URB2: variants seen among roughly 807,000 people sequenced by gnomAD.
URB2 encodes the protein unhealthy ribosome biogenesis protein 2 homolog.
A neutral mutation model predicts 120.9 loss-of-function variants in URB2; 86 were observed. The ratio of observed to expected loss-of-function variants is 0.71; its 90% CI spans 0.60 to 0.85. The LOEUF is 0.85. URB2 is among the 40% of genes least tolerant of loss of function. The pLI is 0.00. For synonymous variants in URB2, 755 were observed against 758.4 expected, an observed-to-expected ratio of 1.00 and a Z score of 0.07; for missense variants, 1,765 against 1,836.5, an observed-to-expected ratio of 0.96 and a Z score of 0.71.
intron 2 of URB2, among the ~76,000 whole-genome samples, chr1:229,630,485 C>T (rs764412364): frequency 6.6e-6 from 1 of 152,174 alleles, no homozygotes; most frequent in Admixed American, 6.5e-5. Context: ...ATGCTGTAAA[C>T]GGATATGCTG....
In URB2 at chr1:229,651,250, A is replaced by G. The variant is rs1250678050; in HGVS notation, c.4165A>G (p.Ile1389Val). Residue 1389 changes from isoleucine to valine, a missense_variant, in exon 8 of 10, where the codon ATC becomes GTC. Transcript: ENST00000258243. ...GTCATTACAGGTAATGCTGAAAGCC[A>G]TCCCTTCTTTCTTGAACTCTTTCAA... ...QCHPKVMLKA[I>V]PSFLNSFNRL... The G allele has an allele frequency of 3.1e-6, 5 of 1,609,938 alleles. No homozygotes were observed. In the East Asian group the frequency reaches 8.9e-5, roughly 29 times the overall value.
chr1:229,656,646 C>T (rs528284280), intron 9 of URB2, among the ~76,000 whole-genome samples: 10 of 152,326 alleles, frequency 6.6e-5, no homozygotes, highest in Non-Finnish European at 7.3e-5. Flanking sequence ...ATCTCCTTTG[C>T]ATTTTCCTTG....
chr1:229,648,361 G>A (rs186134153), intron 7 of URB2, among the ~76,000 whole-genome samples: 2 of 152,200 alleles, frequency 1.3e-5, no homozygotes, highest in East Asian at 3.9e-4. Context: ...TACTATTTAA[G>A]GAAGCTCATT....
intron 9 of URB2, among the ~76,000 whole-genome samples, chr1:229,655,508 A>G (rs904597254): frequency 6.6e-5 from 10 of 152,234 alleles, no homozygotes; most frequent in Non-Finnish European, 1.5e-4. Flanking sequence ...TGCCAGGATT[A>G]CAGGTGTGAG....
intron 9 of URB2, among the ~76,000 whole-genome samples, chr1:229,656,754 G>A (rs1212536182): frequency 6.6e-6 from 1 of 152,172 alleles, no homozygotes; most frequent in Admixed American, 6.5e-5. Context: ...CAGCTCCAGA[G>A]GCCCGCTTGT....
At chr1:229,630,342 C>G (rs939552668) in intron 2 of URB2, among the ~76,000 whole-genome samples, 2 of 152,194 alleles carry the variant, frequency 1.3e-5, no homozygotes, top group East Asian at 3.8e-4. Context: ...GTTGTGTTAG[C>G]AGTCATGAAA....
intron 5 of URB2, 125 bp downstream of exon 5, chr1:229,643,818 C>A: frequency 1.5e-6 from 2 of 1,301,078 alleles, no homozygotes; most frequent in Non-Finnish European, 2.1e-6. Flanking sequence ...AGACTCTAGG[C>A]AAAGGGGGAG....
Position 229,635,802 on chromosome 1 carries a change from C to T in URB2, c.1189C>T (p.Leu397=), listed in dbSNP as rs773656534. 2 of 1,614,188 alleles carry T rather than the reference C, an allele frequency of 1.2e-6. No homozygotes were observed. The highest frequency in any genetic ancestry group is 1.7e-6 in the Non-Finnish European group (2 of 1,180,028). The part of the protein sequence containing the change: ...FRFYRHVAEL[L]INHAQAPIPA... ...CTTTTACCGCCACGTGGCTGAGCTGCTGATAAACCATGCACAAGCACCCAT... is the reference window on the plus strand; with the variant it reads ...CTTTTACCGCCACGTGGCTGAGCTGTTGATAAACCATGCACAAGCACCCAT... The change falls in exon 4 of 10, where the codon CTG becomes TTG. Residue 397 remains leucine, a synonymous_variant. Coordinates refer to ENST00000258243, the MANE Select transcript of URB2 (RefSeq NM_014777.4).
intron 2 of URB2, among the ~76,000 whole-genome samples, chr1:229,631,847 C>T (rs990912203): frequency 6.6e-6 from 1 of 152,134 alleles, no homozygotes; most frequent in Non-Finnish European, 1.5e-5. Flanking sequence ...CAAAATGTGG[C>T]AGAGACATGA....
chr1:229,626,786 G>T (rs1413793580), intron 1 of URB2, among the ~76,000 whole-genome samples: 1 of 152,228 alleles, frequency 6.6e-6, no homozygotes, highest in Non-Finnish European at 1.5e-5. Flanking sequence ...TCGCGATGGC[G>T]GTTCTATGGT....
chr1:229,643,487 A>G (rs1388750289), intron 4 of URB2, 46 bp from the exon 5 acceptor site: 1 of 1,610,164 alleles, frequency 6.2e-7, no homozygotes, highest in African/African-American at 1.3e-5. Flanking sequence ...TTGGTAGTTT[A>G]TTTCACCTGT....
In URB2 at chr1:229,635,847, C is replaced by G. The variant is rs527459306; in HGVS notation, c.1234C>G (p.Leu412Val). Residue 412 changes from leucine to valine, a missense_variant, in exon 4 of 10, where the codon CTG becomes GTG. Physicochemically the swap from Leu to Val is conservative, Grantham distance 32. Transcript: ENST00000258243. ...QAPIPAWFRCLKTLISLNHLI... is the reference protein window; with the variant it reads ...QAPIPAWFRCVKTLISLNHLI... ...ACCCATACCGGCCTGGTTCCGCTGT[C>G]TGAAGACTTTGATATCTCTGAATCA... The G allele has an allele frequency of 1.2e-5, 19 of 1,614,160 alleles. No homozygotes were observed. In the South Asian group the frequency reaches 2.0e-4, roughly 17 times the overall value.
At chr1:229,645,765 G>A (rs745556541) in intron 5 of URB2, 94 bp from the exon 6 acceptor site, 2 of 1,099,022 alleles carry the variant, frequency 1.8e-6, no homozygotes, top group Non-Finnish European at 2.8e-6. Flanking sequence ...CCACTCCAAC[G>A]CCACAGCCCC....
Position 229,637,668 on chromosome 1 carries a change from T to C in URB2, c.3055T>C (p.Leu1019=), listed in dbSNP as rs2102787052. The change falls in exon 4 of 10, where the codon TTG becomes CTG. Residue 1019 remains leucine (L), a synonymous_variant. Transcript: ENST00000258243. ...MQMLIQMKLS[L]VLNFRKITAF... is the part of the protein sequence containing the mutation. ...GATGCTCATCCAAATGAAGCTGAGC[T>C]TGGTGCTCAATTTTAGAAAAATCAC... 1.2e-6 allele frequency: 2 copies of C among 1,614,254 alleles called. No homozygotes were observed. Among genetic ancestry groups the C allele is most frequent in the African/African-American group, 1.3e-5 (1 of 75,076 alleles).
rs1428126342 is a variant in URB2, at chr1:229,635,959, A to G, written c.1346A>G (p.Gln449Arg). ...EVTEFRTKKA[Q>R]EALIRTVFQT... ...ACAGAGTTTCGAACCAAAAAAGCCC[A>G]GGAGGCGCTTATTCGTACTGTCTTC... is the stretch of plus-strand genomic sequence containing the variant. Residue 449 changes from glutamine to arginine, a missense_variant, in exon 4 of 10, where the codon CAG (glutamine) becomes CGG (arginine). Coordinates refer to ENST00000258243, the MANE Select transcript of URB2 (RefSeq NM_014777.4). 12 of 1,614,128 alleles carry G rather than the reference A, an allele frequency of 7.4e-6. No homozygotes were observed. The highest frequency in any genetic ancestry group is 1.0e-5 in the Non-Finnish European group (12 of 1,180,036).
rs537297397 is a variant in URB2, at chr1:229,637,926, C to A, written c.3313C>A (p.Pro1105Thr). The A allele has an allele frequency of 6.2e-7, 1 of 1,612,176 alleles. No homozygotes were observed. Among genetic ancestry groups the A allele is most frequent in the African/African-American group, 1.3e-5 (1 of 75,022 alleles). Residue 1105 changes from proline to threonine, a missense_variant, in exon 4 of 10, where the codon CCG becomes ACG. By Grantham distance (38) the Pro-to-Thr change is conservative (BLOSUM62 -1). Coordinates refer to ENST00000258243, the MANE Select transcript of URB2 (RefSeq NM_014777.4). ...TGAVLQLCSV[P>T]GARGWRLPSV... is the part of the protein sequence containing the mutation. ...AGCTGTGCTGCAGCTCTGCTCAGTGCCGGGGGCCCGGGGCTGGCGCCTTCC... is the reference window on the plus strand; with the variant it reads ...AGCTGTGCTGCAGCTCTGCTCAGTGACGGGGGCCCGGGGCTGGCGCCTTCC...
At chr1:229,640,108 C>G (rs1665966625) in intron 4 of URB2, among the ~76,000 whole-genome samples, 1 of 152,116 alleles carries the variant, frequency 6.6e-6, no homozygotes, top group Non-Finnish European at 1.5e-5. Context: ...TATTAACATG[C>G]ATGTATTAAC....
Position 229,627,777 on chromosome 1 carries a change from C to G in URB2, c.126+18C>G, listed in dbSNP as rs1351925571. 3 of 1,596,422 alleles carry G rather than the reference C, an allele frequency of 1.9e-6. No homozygotes were observed. In the South Asian group the frequency reaches 3.4e-5, roughly 18 times the overall value. On this transcript the variant is annotated intron_variant, in intron 2 of 9. Coordinates refer to ENST00000258243, the MANE Select transcript of URB2 (RefSeq NM_014777.4). ...AAGAACAAGTAAGTTTAATGTGAAA[C>G]TCATATTTTTACAGTCTGTCAAGAT...
intron 2 of URB2, among the ~76,000 whole-genome samples, chr1:229,629,712 A>T (rs533230285): frequency 6.6e-6 from 1 of 152,326 alleles, no homozygotes; most frequent in South Asian, 2.1e-4. Flanking sequence ...GTGACTGGCA[A>T]CTTCTTAAAA....
Sources: gnomAD v4.1 joint callset for allele counts (sites outside exome capture counted in the v4.1 genomes callset) on GRCh38, gnomAD v4.1.1 for gene constraint, MANE v1.5 for transcripts, NCBI Gene and HGNC (gene_info 2026-07-23, HGNC 2026-07-21) for gene names.